ZNF804A: variants seen among roughly 807,000 people sequenced by gnomAD.
ZNF804A encodes zinc finger protein 804A.
ZNF804A carries 2 observed loss-of-function variants against 16.5 expected under a neutral mutation model. The observed-to-expected ratio is 0.12, with a 90% confidence interval of 0.05 to 0.38. ZNF804A has a LOEUF of 0.38. ZNF804A is among the 10% of genes least tolerant of loss of function. The pLI is 0.99. For missense variants in ZNF804A, 1,473 were observed against 1,390.7 expected, an observed-to-expected ratio of 1.06 and a Z score of -0.94; for synonymous variants, 534 against 489.6, an observed-to-expected ratio of 1.09 and a Z score of -1.20.
chr2:184,905,564 C>A (rs1370854218), intron 2 of ZNF804A, among the ~76,000 whole-genome samples: 2 of 152,040 alleles, frequency 1.3e-5, no homozygotes, highest in African/African-American at 2.4e-5. Flanking sequence ...ATTCTCATTT[C>A]TTTTAGGTGA....
chr2:184,725,668 G>A (rs1403952564), intron 1 of ZNF804A, among the ~76,000 whole-genome samples: 1 of 150,842 alleles, frequency 6.6e-6, no homozygotes, highest in East Asian at 1.9e-4. Flanking sequence ...AAAGTGTGTG[G>A]GTAGTTCTAT....
chr2:184,898,934 C>T (rs957700639), intron 2 of ZNF804A, among the ~76,000 whole-genome samples: 1 of 151,760 alleles, frequency 6.6e-6, no homozygotes. Context: ...ATAATATTTA[C>T]AATTAGTGGT....
intron 2 of ZNF804A, among the ~76,000 whole-genome samples, chr2:184,875,761 G>T (rs1696045293): frequency 7.4e-6 from 1 of 134,754 alleles, no homozygotes; most frequent in African/African-American, 2.9e-5. Flanking sequence ...TTTAGTCATT[G>T]ACATTAAAAA....
intron 2 of ZNF804A, among the ~76,000 whole-genome samples, chr2:184,877,363 A>G (rs2105816090): frequency 6.6e-6 from 1 of 152,254 alleles, no homozygotes; most frequent in Middle Eastern, 3.4e-3. Flanking sequence ...CAAAATTTTA[A>G]GAAGAAAATT....
In ZNF804A at chr2:184,939,141, T is replaced by C. The variant is rs1278894310; in HGVS notation, c.*115T>C. On this transcript the variant is annotated 3_prime_UTR_variant, in exon 4 of 4. Transcript: ENST00000302277. Reference sequence around the variant, plus strand: ...TGGTGGAAATAAACTGGCCGATACATGGCGTCATTGGTTTGAAATCATTTA... The same window carrying C: ...TGGTGGAAATAAACTGGCCGATACACGGCGTCATTGGTTTGAAATCATTTA... 3.0e-6 allele frequency: 4 copies of C among 1,314,070 alleles called. No individual in the cohort carries two copies. Among genetic ancestry groups the C allele is most frequent in the Non-Finnish European group, 4.2e-6 (4 of 961,204 alleles). The allele number at this position is 1,314,070 out of a possible 1,614,324, so 81.4% of individuals were successfully genotyped here.
chr2:184,690,721 G>T (rs76396036), intron 1 of ZNF804A, among the ~76,000 whole-genome samples: 5 of 151,946 alleles, frequency 3.3e-5, no homozygotes, highest in South Asian at 2.1e-4. Flanking sequence ...CAGTGAAGAC[G>T]CATTGATCGT....
intron 1 of ZNF804A, among the ~76,000 whole-genome samples, chr2:184,696,985 GTTA>G (rs984228672): frequency 1.2e-4 from 18 of 151,650 alleles, no homozygotes; most frequent in African/African-American, 2.7e-4. Flanking sequence ...TATATTTTAG[GTTA>G]TTATTATTCA....
At chr2:184,682,197 G>A (rs1337001866) in intron 1 of ZNF804A, among the ~76,000 whole-genome samples, 3 of 152,106 alleles carry the variant, frequency 2.0e-5, no homozygotes, top group Non-Finnish European at 2.9e-5. Flanking sequence ...GAAAGGGGTG[G>A]GCCCTGCCAG....
intron 1 of ZNF804A, among the ~76,000 whole-genome samples, chr2:184,847,345 C>A (rs1695536038): frequency 6.6e-6 from 1 of 152,016 alleles, no homozygotes; most frequent in South Asian, 2.1e-4. Context: ...ATATCTGTGA[C>A]TTTTGATAAA....
intron 1 of ZNF804A, among the ~76,000 whole-genome samples, chr2:184,731,895 G>A (rs1300541030): frequency 6.6e-6 from 1 of 152,006 alleles, no homozygotes; most frequent in Admixed American, 6.6e-5. Context: ...TTTCTTAATT[G>A]GGTCGTTTGT....
intron 1 of ZNF804A, among the ~76,000 whole-genome samples, chr2:184,811,990 T>C (rs1574223799): frequency 2.0e-5 from 3 of 152,230 alleles, no homozygotes; most frequent in African/African-American, 7.2e-5. Context: ...GACAAAGTTT[T>C]AAGTCACTTA....
intron 1 of ZNF804A, among the ~76,000 whole-genome samples, chr2:184,695,940 T>C (rs73978069): frequency 0.012 from 1,884 of 152,310 alleles, 36 homozygotes; most frequent in African/African-American, 0.043. Context: ...TTTTTTCCAG[T>C]GTTTATATAT....
chr2:184,925,767 C>G (rs949952098), intron 2 of ZNF804A, among the ~76,000 whole-genome samples: 3 of 151,942 alleles, frequency 2.0e-5, no homozygotes, highest in African/African-American at 7.2e-5. Flanking sequence ...TTATAACCCA[C>G]TGTTTTAAGC....
At chr2:184,695,649 CA>C (rs894704987) in intron 1 of ZNF804A, among the ~76,000 whole-genome samples, 5 of 151,736 alleles carry the variant, frequency 3.3e-5, no homozygotes, top group African/African-American at 9.7e-5. Flanking sequence ...AACTCTTGGC[CA>C]AAAGCAATCC....
chr2:184,814,821 G>C lies in ZNF804A; in HGVS notation c.112-51548G>C, dbSNP rs150072852. 6.1e-3 allele frequency among the ~76,000 whole-genome samples: 932 copies of C among 152,036 alleles called. 25 individuals are homozygous for C. Among genetic ancestry groups the C allele is most frequent in the Admixed American group, 0.052 (785 of 15,238 alleles). On this transcript the variant is annotated intron_variant, in intron 1 of 3. Coordinates refer to ENST00000302277, the MANE Select transcript of ZNF804A (RefSeq NM_194250.2). ...GGTAGTTGCTCTTGCATATCTGTTG[G>C]GTTAATAGGTATAGTTTTAAGCATT...
chr2:184,929,030 T>G (rs1685651841), intron 2 of ZNF804A, among the ~76,000 whole-genome samples: 1 of 152,210 alleles, frequency 6.6e-6, no homozygotes, highest in African/African-American at 2.4e-5. Context: ...TTAGTTCTTA[T>G]GAAGGTGCCT....
chr2:184,835,455 C>T (rs1695327922), intron 1 of ZNF804A, among the ~76,000 whole-genome samples: 1 of 151,936 alleles, frequency 6.6e-6, no homozygotes, highest in Non-Finnish European at 1.5e-5. Flanking sequence ...TGGATGTTGC[C>T]ATAGCAATGG....
chr2:184,901,905 A>G (rs1162256140), intron 2 of ZNF804A, among the ~76,000 whole-genome samples: 1 of 152,026 alleles, frequency 6.6e-6, no homozygotes, highest in Non-Finnish European at 1.5e-5. Context: ...ATATAATATC[A>G]CATGACGCTT....
chr2:184,866,289 T>C (rs932597950), intron 1 of ZNF804A, 80 bp from the exon 2 acceptor site: 62 of 1,336,832 alleles, frequency 4.6e-5, no homozygotes, highest in Non-Finnish European at 6.3e-5. Flanking sequence ...CTAATTATTG[T>C]ACTATAGTTG....
Sources: gnomAD v4.1 joint callset for allele counts (sites outside exome capture counted in the v4.1 genomes callset) on GRCh38, gnomAD v4.1.1 for gene constraint, MANE v1.5 for transcripts, NCBI Gene and HGNC (gene_info 2026-07-23, HGNC 2026-07-21) for gene names.